Variants in PDE11A observed in about 807,000 individuals in gnomAD.
The protein encoded by PDE11A is phosphodiesterase 11A.
A neutral mutation model predicts 100.5 loss-of-function variants in PDE11A; 100 were observed. The observed-to-expected ratio is 1.00, with a 90% CI of 0.85 to 1.18. The LOEUF is 1.18. Among genes scored for constraint, PDE11A ranks in the 50% most tolerant of loss-of-function variants. The pLI, the probability that PDE11A is intolerant of heterozygous loss-of-function variation, is 0.00. For missense variants in PDE11A, 1,141 were observed against 1,152.6 expected (o/e 0.99, Z 0.15); for synonymous variants, 381 against 420.8 (o/e 0.91, Z 1.16).
At chr2:177,979,356 A>G (rs1289852066) in intron 2 of PDE11A, among the ~76,000 whole-genome samples, 2 of 150,696 alleles carry the variant, frequency 1.3e-5, no homozygotes, top group Non-Finnish European at 3.0e-5. Flanking sequence ...AAAATGAAAT[A>G]TGGCTTACAT....
intron 2 of PDE11A, among the ~76,000 whole-genome samples, chr2:177,937,713 G>C (rs958361907): frequency 2.6e-5 from 4 of 152,042 alleles, no homozygotes; most frequent in Non-Finnish European, 5.9e-5. Context: ...ACCTACAATG[G>C]GAAGAGCAAG....
chr2:177,711,226 G>A (rs1212378066), intron 13 of PDE11A, among the ~76,000 whole-genome samples: 2 of 152,166 alleles, frequency 1.3e-5, no homozygotes, highest in African/African-American at 4.8e-5. Context: ...CTGTATTTCT[G>A]TAATTCCTTT....
chr2:177,853,532 C>G (rs1378659404), intron 5 of PDE11A, among the ~76,000 whole-genome samples: 1 of 149,532 alleles, frequency 6.7e-6, no homozygotes, highest in East Asian at 2.0e-4. Context: ...AGGATTCTAT[C>G]CTGCTGGAGG....
chr2:178,088,119 A>C (rs1332066655), intron 2 of PDE11A, among the ~76,000 whole-genome samples: 3 of 152,074 alleles, frequency 2.0e-5, no homozygotes, highest in Non-Finnish European at 2.9e-5. Flanking sequence ...TCACAGTATT[A>C]TGTGTTTACA....
chr2:177,810,758 G>T (rs1279370817), intron 9 of PDE11A, among the ~76,000 whole-genome samples: 4 of 152,156 alleles, frequency 2.6e-5, no homozygotes, highest in South Asian at 4.1e-4. Context: ...GTCTATGAGT[G>T]GGTGAGTGAT....
chr2:177,919,425 A>G (rs1342082203), intron 2 of PDE11A, among the ~76,000 whole-genome samples: 1 of 152,212 alleles, frequency 6.6e-6, no homozygotes, highest in African/African-American at 2.4e-5. Flanking sequence ...ACATACCTGT[A>G]TATTAGAAAG....
At chr2:177,971,290 A>G (rs946957138) in intron 2 of PDE11A, among the ~76,000 whole-genome samples, 1 of 152,140 alleles carries the variant, frequency 6.6e-6, no homozygotes, top group African/African-American at 2.4e-5. Context: ...TTTTCTTTTC[A>G]TATTGATTTT....
chr2:177,675,276 A>AT (rs1428614946), intron 17 of PDE11A, among the ~76,000 whole-genome samples, 179 bp downstream of exon 17: 2 of 151,236 alleles, frequency 1.3e-5, no homozygotes, highest in South Asian at 2.1e-4. Flanking sequence ...AAAAAAAAAA[A>AT]AGGGCTGTGC....
chr2:177,672,765 G>A (rs7560737), intron 17 of PDE11A, among the ~76,000 whole-genome samples: 123,570 of 152,144 alleles, frequency 0.81, 50,947 homozygotes, highest in East Asian at 0.98. Context: ...GGAAATAGTC[G>A]CAAATTCAGG....
At chr2:177,899,389 A>T (rs2084664223) in intron 3 of PDE11A, 1 of 182,832 alleles carries the variant, frequency 5.5e-6, no homozygotes, top group Non-Finnish European at 1.2e-5. Context: ...TCTGGACAAC[A>T]GAGTGAGACT....
intron 10 of PDE11A, among the ~76,000 whole-genome samples, chr2:177,749,462 A>G (rs2081998600): frequency 6.6e-6 from 1 of 152,124 alleles, no homozygotes; most frequent in African/African-American, 2.4e-5. Context: ...AACAAACATT[A>G]GATTTATATT....
chr2:177,752,790 G>A (rs1303586412), intron 10 of PDE11A, among the ~76,000 whole-genome samples: 2 of 152,166 alleles, frequency 1.3e-5, no homozygotes, highest in East Asian at 3.8e-4. Flanking sequence ...AAATCTGACT[G>A]TATCATTATT....
intron 6 of PDE11A, among the ~76,000 whole-genome samples, chr2:177,836,180 T>C (rs71423509): frequency 0.21 from 31,546 of 152,068 alleles, 3,352 homozygotes; most frequent in Middle Eastern, 0.26. Flanking sequence ...AGCTAAAGGA[T>C]TGTAAATACA....
intron 1 of PDE11A, among the ~76,000 whole-genome samples, chr2:178,029,979 T>C (rs2086524534): frequency 1.3e-5 from 2 of 152,196 alleles, no homozygotes; most frequent in Admixed American, 6.5e-5. Flanking sequence ...CCTCACCAGA[T>C]GCAGACACCT....
chr2:177,960,212 A>C (rs2085614979), intron 2 of PDE11A, among the ~76,000 whole-genome samples: 2 of 152,164 alleles, frequency 1.3e-5, no homozygotes, highest in Non-Finnish European at 2.9e-5. Context: ...AATAAATTAA[A>C]GCGGACTTTA....
At chr2:177,839,893 A>G (rs1193913687) in intron 6 of PDE11A, among the ~76,000 whole-genome samples, 1 of 152,216 alleles carries the variant, frequency 6.6e-6, no homozygotes, top group Admixed American at 6.5e-5. Context: ...AACATTAAAC[A>G]ATAATGCCAA....
chr2:178,028,385 C>T (rs754366484), intron 1 of PDE11A, among the ~76,000 whole-genome samples: 1 of 151,510 alleles, frequency 6.6e-6, no homozygotes, highest in African/African-American at 2.4e-5. Context: ...AAGGTGTCAA[C>T]CTGTGGGGGG....
chr2:177,980,369 C>T (rs1340662465), intron 2 of PDE11A, among the ~76,000 whole-genome samples: 1 of 150,852 alleles, frequency 6.6e-6, no homozygotes. Flanking sequence ...CAACCTGTGG[C>T]ATTGTTATAA....
At chr2:177,636,715 A>C (rs182474978) in intron 19 of PDE11A, among the ~76,000 whole-genome samples, 4 of 152,308 alleles carry the variant, frequency 2.6e-5, no homozygotes, top group Admixed American at 6.5e-5. Context: ...GGGTTAGATA[A>C]TTCTTTATGG....
Sources: gnomAD v4.1 joint callset for allele counts (sites outside exome capture counted in the v4.1 genomes callset) on GRCh38, gnomAD v4.1.1 for gene constraint, MANE v1.5 for transcripts, NCBI Gene and HGNC (gene_info 2026-07-23, HGNC 2026-07-21) for gene names.